PAMR1: variants seen among roughly 807,000 people sequenced by gnomAD.
PAMR1 encodes peptidase domain containing associated with muscle regeneration 1.
In PAMR1, 88 loss-of-function variants were observed where a neutral mutation model predicts 81.8. The ratio of observed to expected loss-of-function variants is 1.08; its 90% CI spans 0.91 to 1.28. The LOEUF (loss-of-function observed/expected upper bound fraction) is 1.28, where lower values mean the gene tolerates loss of function less well. Ranked by LOEUF, PAMR1 falls within the 50% of genes most tolerant of loss-of-function variation. The pLI is 0.00. For missense variants in PAMR1, 935 were observed against 919.7 expected (o/e 1.02, Z -0.21); for synonymous variants, 336 against 345.3 (o/e 0.97, Z 0.30).
At chr11:35,525,839 G>T, upstream of PAMR1, 4 of 550,664 alleles carry the variant, frequency 7.3e-6, no homozygotes, top group South Asian at 2.2e-5. Flanking sequence ...CTGGAGACCC[G>T]CGGACGGCGG....
chr11:35,439,399 C>T (rs1010886162), intron 8 of PAMR1, among the ~76,000 whole-genome samples: 6 of 152,226 alleles, frequency 3.9e-5, no homozygotes, highest in Admixed American at 1.3e-4. Context: ...TACTTTCCCA[C>T]GATCCAGTGA....
chr11:35,448,310 T>C (rs1856338861), intron 6 of PAMR1, among the ~76,000 whole-genome samples: 1 of 152,212 alleles, frequency 6.6e-6, no homozygotes, highest in Non-Finnish European at 1.5e-5. Flanking sequence ...CATAATCCCA[T>C]AGTTCTCAGA....
intron 6 of PAMR1, among the ~76,000 whole-genome samples, chr11:35,461,638 C>T (rs550184475): frequency 6.6e-6 from 1 of 151,528 alleles, no homozygotes; most frequent in African/African-American, 2.4e-5. Context: ...TACACACCCA[C>T]ACACACACAC....
chr11:35,512,709 T>C (rs1374789989), intron 1 of PAMR1, among the ~76,000 whole-genome samples: 6 of 152,074 alleles, frequency 3.9e-5, no homozygotes. Flanking sequence ...GGAAAATGGT[T>C]AGGGTGGGCA....
rs1261395195 is a variant in PAMR1 at position 35,495,209 on chromosome 11, G to A, written c.74-937C>T. Among the ~76,000 whole-genome samples, 4 of 152,112 alleles carry A rather than the reference G, an allele frequency of 2.6e-5. No homozygotes were observed. The South Asian group carries it at 6.2e-4, about 24-fold the overall frequency. ...GCCATTTTCATAGTACCTTCAAAGC[G>A]AAAACCAATAGAAAAGACAAAAAAT... On this transcript the variant is annotated intron_variant, in intron 1 of 10. Coordinates refer to ENST00000619888, the MANE Select transcript of PAMR1 (RefSeq NM_001001991.3).
intron 1 of PAMR1, among the ~76,000 whole-genome samples, chr11:35,509,000 C>T (rs1351684541): frequency 6.6e-6 from 1 of 152,120 alleles, no homozygotes; most frequent in Non-Finnish European, 1.5e-5. Flanking sequence ...ATAGTGCCCT[C>T]TATTAAAAAA....
At chr11:35,452,649 A>G (rs918850944) in intron 6 of PAMR1, among the ~76,000 whole-genome samples, 1 of 152,204 alleles carries the variant, frequency 6.6e-6, no homozygotes, top group African/African-American at 2.4e-5. Context: ...CCAAAGTTCT[A>G]TAATCAGAAA....
At position 35,466,395 on chromosome 11, in the gene PAMR1, G is replaced by A. The variant is rs574802953; in HGVS notation, c.820+1606C>T. Among the ~76,000 whole-genome samples the A allele has an allele frequency of 7.9e-5, 12 of 152,254 alleles. No homozygotes were observed. The East Asian group carries it at 2.3e-3, about 29-fold the overall frequency. On this transcript the variant is annotated intron_variant, in intron 6 of 10. Transcript: ENST00000619888. ...ATGGCACACACAGGGACCCACTATT[G>A]AAACCATGGTTTCCATCTGCATTGT...
intron 5 of PAMR1, 96 bp from the exon 6 acceptor site, chr11:35,468,204 G>A (rs546523272): frequency 7.4e-6 from 5 of 673,658 alleles, no homozygotes; most frequent in African/African-American, 7.3e-5. Context: ...CCTTATTAAA[G>A]TCTTCTTGCA....
intron 6 of PAMR1, among the ~76,000 whole-genome samples, chr11:35,457,932 A>T (rs1856569208): frequency 6.6e-6 from 1 of 152,150 alleles, no homozygotes. Flanking sequence ...TGAGATGAAC[A>T]TTAACTCTTC....
At chr11:35,519,335 G>C (rs1760313) in intron 1 of PAMR1, among the ~76,000 whole-genome samples, 94,444 of 151,822 alleles carry the variant, frequency 0.62, 30,802 homozygotes, top group East Asian at 0.97. Context: ...AAATGCTCCC[G>C]CTTATTCACT....
chr11:35,529,441 C>T (rs918484162), upstream of PAMR1, among the ~76,000 whole-genome samples: 1 of 152,186 alleles, frequency 6.6e-6, no homozygotes, highest in Non-Finnish European at 1.5e-5. Flanking sequence ...CTCACCTCCT[C>T]CTCACCTTTA....
At chr11:35,508,567 A>C (rs1343609373) in intron 1 of PAMR1, among the ~76,000 whole-genome samples, 5 of 126,948 alleles carry the variant, frequency 3.9e-5, no homozygotes, top group African/African-American at 1.5e-4. Context: ...TCAGGGGTAC[A>C]TGCACAGGTT....
chr11:35,471,248 CCT>C (rs1006277612), intron 4 of PAMR1, among the ~76,000 whole-genome samples: 2 of 152,122 alleles, frequency 1.3e-5, no homozygotes, highest in African/African-American at 4.8e-5. Flanking sequence ...TAAATTTCAA[CCT>C]CTTATATTTA....
chr11:35,436,182 G>T, intron 8 of PAMR1, 47 bp from the exon 9 acceptor site: 1 of 1,256,348 alleles, frequency 8.0e-7, no homozygotes, highest in Non-Finnish European at 1.2e-6. Flanking sequence ...GTGAGAGAAA[G>T]TCACTGTGGC....
upstream of PAMR1, among the ~76,000 whole-genome samples, chr11:35,528,718 A>C (rs1257501646): frequency 1.3e-5 from 2 of 152,212 alleles, no homozygotes; most frequent in Non-Finnish European, 2.9e-5. Flanking sequence ...GCTATTTGCT[A>C]AGGAAGTCCC....
intron 1 of PAMR1, among the ~76,000 whole-genome samples, chr11:35,511,168 GC>G (rs1342728123): frequency 6.6e-6 from 1 of 152,200 alleles, no homozygotes; most frequent in Non-Finnish European, 1.5e-5. Flanking sequence ...ATCTTGCACA[GC>G]CCCTCACCAG....
At chr11:35,470,874 C>T in intron 4 of PAMR1, 56 bp from the exon 5 acceptor site, 1 of 1,241,704 alleles carries the variant, frequency 8.1e-7, no homozygotes, top group African/African-American at 1.5e-5. Flanking sequence ...AGTCCTGAGA[C>T]CGCTGGGCTC....
intron 6 of PAMR1, among the ~76,000 whole-genome samples, chr11:35,461,401 C>T (rs1194670007): frequency 6.6e-6 from 1 of 152,130 alleles, no homozygotes; most frequent in Non-Finnish European, 1.5e-5. Context: ...GGCTAGAATG[C>T]TGTCCATGCT....
Sources: allele counts gnomAD v4.1 joint callset (sites outside exome capture counted in the v4.1 genomes callset), GRCh38; gene constraint gnomAD v4.1.1; transcripts MANE v1.5; gene names NCBI Gene and HGNC (gene_info 2026-07-23, HGNC 2026-07-21).